The following SLC41A3 variants were observed in gnomAD, a reference collection of about 807,000 sequenced individuals.
The protein encoded by SLC41A3 is solute carrier family 41 member 3, also known as SLC41A1-like 2.
SLC41A3 carries 44 observed loss-of-function variants against 45.4 expected under a neutral mutation model. That is an observed-to-expected ratio of 0.97 (90% confidence interval 0.76 to 1.25). The LOEUF is 1.25. Among genes scored for constraint, SLC41A3 ranks in the 50% most tolerant of loss-of-function variants. The pLI is 0.00. For synonymous variants in SLC41A3, 256 were observed against 252.4 expected (o/e 1.01, Z -0.13); for missense variants, 550 against 600.6 (o/e 0.92, Z 0.88).
intron 1 of SLC41A3, among the ~76,000 whole-genome samples, chr3:126,098,191 T>C (rs1178148803): frequency 1.3e-5 from 2 of 152,206 alleles, no homozygotes; most frequent in African/African-American, 2.4e-5. Flanking sequence ...TATGTGGAGA[T>C]AGGGCTTATC....
chr3:126,024,399 T>C (rs907669447), intron 5 of SLC41A3: 22 of 152,354 alleles, frequency 1.4e-4, no homozygotes, highest in African/African-American at 5.3e-4. Context: ...GGCACATTCA[T>C]CCCGCCCCAT....
intron 5 of SLC41A3, chr3:126,023,524 T>A (rs1941086610): frequency 6.6e-6 from 1 of 152,582 alleles, no homozygotes; most frequent in African/African-American, 2.4e-5. Flanking sequence ...GCACTGCATT[T>A]CTAGGTGCGC....
At chr3:126,086,702 G>A (rs1945402368), upstream of SLC41A3, among the ~76,000 whole-genome samples, 1 of 152,016 alleles carries the variant, frequency 6.6e-6, no homozygotes, top group African/African-American at 2.4e-5. Context: ...ATATGCAAAT[G>A]TAGGACTATT....
intron 6 of SLC41A3, among the ~76,000 whole-genome samples, chr3:126,018,648 T>C (rs1940547381): frequency 6.6e-6 from 1 of 152,248 alleles, no homozygotes; most frequent in African/African-American, 2.4e-5. Flanking sequence ...AACTGCAGCT[T>C]TGCTGAGGCT....
chr3:126,035,981 G>C (rs1310042342), intron 3 of SLC41A3, among the ~76,000 whole-genome samples: 2 of 152,182 alleles, frequency 1.3e-5, no homozygotes, highest in Non-Finnish European at 2.9e-5. Context: ...AAAACCAGTG[G>C]GAGGCAGGAG....
rs190532591 is a variant in SLC41A3, at chr3:126,065,565, T to C, written c.273+2382A>G. ...CAGACTTGTAGCAGAGAGTTTTTCTTCTTCATGGGAACACATCCCTAGTCT... is the reference window on the plus strand; with the variant it reads ...CAGACTTGTAGCAGAGAGTTTTTCTCCTTCATGGGAACACATCCCTAGTCT... On this transcript the variant is annotated intron_variant, in intron 2 of 10. Transcript: ENST00000360370. 8.2e-3 allele frequency among the ~76,000 whole-genome samples: 1,242 copies of C among 152,320 alleles called. 7 individuals are homozygous for C. Among genetic ancestry groups the C allele is most frequent in the Non-Finnish European group, 0.012 (844 of 68,026 alleles).
At chr3:126,048,726 G>A (rs1943125928) in intron 3 of SLC41A3, among the ~76,000 whole-genome samples, 1 of 152,148 alleles carries the variant, frequency 6.6e-6, no homozygotes, top group Non-Finnish European at 1.5e-5. Context: ...GGAGATTGAA[G>A]GTAGATCAAA....
intron 1 of SLC41A3, among the ~76,000 whole-genome samples, chr3:126,076,527 AAG>A (rs757332968): frequency 6.6e-6 from 1 of 152,232 alleles, no homozygotes; most frequent in Non-Finnish European, 1.5e-5. Flanking sequence ...GTACATTTAA[AAG>A]GGGTGAATTT....
intron 3 of SLC41A3, among the ~76,000 whole-genome samples, chr3:126,048,454 T>C (rs9869198): frequency 0.054 from 8,261 of 152,284 alleles, 697 homozygotes; most frequent in African/African-American, 0.18. Flanking sequence ...TTCATTTAGA[T>C]GTTTTGAAAC....
chr3:126,045,472 TA>T (rs1211882669), intron 3 of SLC41A3, among the ~76,000 whole-genome samples: 29 of 151,316 alleles, frequency 1.9e-4, no homozygotes, highest in Non-Finnish European at 4.0e-4. Flanking sequence ...TCTACAGAAA[TA>T]AAAAGGAATA....
intron 3 of SLC41A3, among the ~76,000 whole-genome samples, chr3:126,035,354 T>C (rs905348052): frequency 4.6e-5 from 7 of 151,462 alleles, no homozygotes; most frequent in African/African-American, 1.7e-4. Context: ...ACCAAGCTGG[T>C]GATGAGGAGG....
intron 2 of SLC41A3, chr3:126,056,363 T>C (rs922406550): frequency 1.9e-6 from 3 of 1,613,962 alleles, no homozygotes; most frequent in Admixed American, 3.3e-5. Flanking sequence ...CGCACTTGAA[T>C]GGTGTTCATC....
chr3:126,029,727 A>G (rs555560781), intron 4 of SLC41A3, among the ~76,000 whole-genome samples: 3 of 152,216 alleles, frequency 2.0e-5, no homozygotes, highest in Non-Finnish European at 4.4e-5. Context: ...ACTGTGCAAG[A>G]ATAGCTAAGA....
intron 1 of SLC41A3, among the ~76,000 whole-genome samples, chr3:126,074,680 G>GTT (rs922179725): frequency 6.7e-6 from 1 of 148,422 alleles, no homozygotes; most frequent in African/African-American, 2.5e-5. Flanking sequence ...TTTGGTTGTT[G>GTT]TTTTTTTTTT....
chr3:126,025,764 T>G (rs1217877548), intron 5 of SLC41A3: 1 of 152,898 alleles, frequency 6.5e-6, no homozygotes, highest in African/African-American at 2.4e-5. Context: ...AACCTCGGGC[T>G]CCAGCCTGCA....
At chr3:126,011,299 A>C (rs891215050) in intron 9 of SLC41A3, among the ~76,000 whole-genome samples, 1 of 152,212 alleles carries the variant, frequency 6.6e-6, no homozygotes, top group Non-Finnish European at 1.5e-5. Context: ...CAATACCCCC[A>C]AAAGTCCCAG....
At chr3:126,053,061 G>A (rs1943444329) in intron 2 of SLC41A3, among the ~76,000 whole-genome samples, 1 of 152,208 alleles carries the variant, frequency 6.6e-6, no homozygotes, top group South Asian at 2.1e-4. Context: ...TGGTCACATC[G>A]GGTATCACAC....
At chr3:126,092,893 C>T (rs1945518038) in intron 1 of SLC41A3, among the ~76,000 whole-genome samples, 2 of 152,172 alleles carry the variant, frequency 1.3e-5, no homozygotes, top group Admixed American at 6.5e-5. Flanking sequence ...GCTAAAGCAG[C>T]AAAGGAGGGA....
intron 4 of SLC41A3, among the ~76,000 whole-genome samples, chr3:126,030,260 AATATATATGATATATAATATATAATTAT>A (rs1216158151): frequency 7.0e-6 from 1 of 143,508 alleles, no homozygotes; most frequent in East Asian, 2.0e-4. Flanking sequence ...TATAACATAT[AATATATATGATATATAATATATAATTAT>A]ATATATATTA....
Sources: allele counts gnomAD v4.1 joint callset (sites outside exome capture counted in the v4.1 genomes callset), GRCh38; gene constraint gnomAD v4.1.1; transcripts MANE v1.5; gene names NCBI Gene and HGNC (gene_info 2026-07-23, HGNC 2026-07-21).